MBP: variants seen among roughly 807,000 people sequenced by gnomAD.
MBP encodes myelin basic protein.
Under a neutral mutation model 35.8 loss-of-function variants are expected in MBP, and 16 were observed. The ratio of observed to expected loss-of-function variants is 0.45; its 90% CI spans 0.30 to 0.68. The LOEUF is 0.68. Among genes scored for constraint, MBP ranks in the 30% least tolerant of loss-of-function variants. The pLI is 0.08. For missense variants in MBP, 380 were observed against 404.7 expected (o/e 0.94, Z 0.52); for synonymous variants, 143 against 159.6 (o/e 0.90, Z 0.78).
intron 1 of MBP, among the ~76,000 whole-genome samples, chr18:77,117,248 A>G (rs1459589653): frequency 6.6e-6 from 1 of 152,242 alleles, no homozygotes; most frequent in Non-Finnish European, 1.5e-5. Context: ...GTTATTAAAA[A>G]TGGCATTTAA....
intron 3 of MBP, among the ~76,000 whole-genome samples, chr18:77,053,953 C>T (rs577035476): frequency 6.6e-6 from 1 of 152,382 alleles, no homozygotes; most frequent in South Asian, 2.1e-4. Context: ...GGTGACTGTA[C>T]TGCCCCACTC....
chr18:76,982,152 G>T (rs142847873), intron 8 of MBP: 1 of 152,360 alleles, frequency 6.6e-6, no homozygotes, highest in African/African-American at 2.4e-5. Context: ...CCTGGAGTAG[G>T]TGTTCCTATC....
At position 76,980,264 on chromosome 18, in the gene MBP, T is replaced by A; in HGVS notation, c.*163A>T. The A allele has an allele frequency of 1.3e-6, 1 of 742,602 alleles. No individual in the cohort carries two copies. The highest frequency in any genetic ancestry group is 1.9e-5 in the Admixed American group (1 of 52,140). The allele number at this position is 742,602 out of a possible 1,614,324, so 46.0% of individuals were successfully genotyped here. Reference sequence around the variant, plus strand: ...TTCTCATTTAACTGTTGGCCGGAAATTGCCGGTAGGCTGCCGTGGCCTGAC... The same window carrying A: ...TTCTCATTTAACTGTTGGCCGGAAAATGCCGGTAGGCTGCCGTGGCCTGAC... On this transcript the variant is annotated 3_prime_UTR_variant, in exon 9 of 9. Transcript: ENST00000355994.
chr18:77,130,670 A>T (rs923053510), intron 1 of MBP, among the ~76,000 whole-genome samples: 2 of 151,276 alleles, frequency 1.3e-5, no homozygotes, highest in African/African-American at 4.9e-5. Context: ...ACATCACAAG[A>T]AAGTTTGGTC....
At chr18:77,049,350 T>A (rs1174889320) in intron 3 of MBP, among the ~76,000 whole-genome samples, 1 of 152,256 alleles carries the variant, frequency 6.6e-6, no homozygotes, top group Non-Finnish European at 1.5e-5. Context: ...CCTTGATGCA[T>A]GATGAAGATG....
chr18:77,038,547 G>A (rs1265972573), intron 3 of MBP, among the ~76,000 whole-genome samples: 1 of 152,208 alleles, frequency 6.6e-6, no homozygotes, highest in Non-Finnish European at 1.5e-5. Context: ...TCCTGGGAAT[G>A]ACAGGAGCCC....
intron 1 of MBP, among the ~76,000 whole-genome samples, chr18:77,111,888 T>C (rs990484255): frequency 6.6e-6 from 1 of 152,154 alleles, no homozygotes; most frequent in Non-Finnish European, 1.5e-5. Context: ...AAGCAACTCA[T>C]ATATAAAATA....
At chr18:77,015,862 C>T (rs539232882) in intron 4 of MBP, 36 of 985,426 alleles carry the variant, frequency 3.7e-5, no homozygotes, top group South Asian at 4.7e-5. Flanking sequence ...AAGCCTTTTA[C>T]GCTCCCACAA....
intron 3 of MBP, among the ~76,000 whole-genome samples, chr18:77,046,481 G>T (rs1347210184): frequency 6.6e-6 from 1 of 152,244 alleles, no homozygotes; most frequent in East Asian, 1.9e-4. Flanking sequence ...TGTTGGGCCT[G>T]GTTCCTCAAG....
intron 1 of MBP, among the ~76,000 whole-genome samples, chr18:77,124,054 C>A (rs755242612): frequency 2.0e-5 from 3 of 152,158 alleles, no homozygotes; most frequent in Non-Finnish European, 2.9e-5. Flanking sequence ...GGCACACCTT[C>A]CTACCTGGAA....
rs1457538281 is a variant in MBP, at chr18:76,988,196, C to T, written c.750+299G>A. 6.5e-7 allele frequency: 1 copy of T among 1,546,472 alleles called. No individual in the cohort carries two copies. The highest frequency in any genetic ancestry group is 8.7e-7 in the Non-Finnish European group (1 of 1,146,930). On this transcript the variant is annotated intron_variant, in intron 7 of 8. Transcript: ENST00000355994. The surrounding 1 kb of genome is among the most constrained non-coding windows in gnomAD (Gnocchi z 5.2). ...ACATTTTCTCGGACGTGGTGTTGCTCCCTCCCTGGGAGGGAGACCAGTCAC... is the reference window on the plus strand; with the variant it reads ...ACATTTTCTCGGACGTGGTGTTGCTTCCTCCCTGGGAGGGAGACCAGTCAC...
chr18:77,068,794 G>T (rs1974312223), intron 2 of MBP, among the ~76,000 whole-genome samples: 1 of 152,216 alleles, frequency 6.6e-6, no homozygotes, highest in Non-Finnish European at 1.5e-5. Context: ...AAACAAAAAT[G>T]AGATTTCTTT....
intron 2 of MBP, among the ~76,000 whole-genome samples, chr18:77,086,630 A>G (rs1214729033): frequency 6.6e-6 from 1 of 152,236 alleles, no homozygotes; most frequent in African/African-American, 2.4e-5. Context: ...TCATGAAACA[A>G]TACTTCTATT....
chr18:77,072,429 T>C (rs1483125906), intron 2 of MBP, among the ~76,000 whole-genome samples: 4 of 152,216 alleles, frequency 2.6e-5, no homozygotes, highest in African/African-American at 9.7e-5. Flanking sequence ...ATTATTCGCA[T>C]GACAGCCAAG....
intron 2 of MBP, among the ~76,000 whole-genome samples, chr18:77,086,141 A>G (rs1975224462): frequency 6.6e-6 from 1 of 152,226 alleles, no homozygotes; most frequent in Non-Finnish European, 1.5e-5. Flanking sequence ...CCTTTCTTCA[A>G]AGCTGAGTTC....
intron 4 of MBP, among the ~76,000 whole-genome samples, chr18:76,998,242 G>A (rs1268438425): frequency 1.3e-5 from 2 of 152,218 alleles, no homozygotes; most frequent in Non-Finnish European, 1.5e-5. Flanking sequence ...GGCCTCCTGT[G>A]CATGGAGCCT....
At chr18:77,057,234 C>T (rs920146329) in intron 3 of MBP, among the ~76,000 whole-genome samples, 1 of 152,196 alleles carries the variant, frequency 6.6e-6, no homozygotes, top group Non-Finnish European at 1.5e-5. Flanking sequence ...GAACCAGCTG[C>T]GGTCTCCCTG....
intron 4 of MBP, among the ~76,000 whole-genome samples, chr18:77,002,372 C>A (rs1034338184): frequency 6.6e-6 from 1 of 152,212 alleles, no homozygotes; most frequent in Non-Finnish European, 1.5e-5. Context: ...AGAAAAATGT[C>A]TCTTTGTTAA....
intron 1 of MBP, among the ~76,000 whole-genome samples, chr18:77,124,446 C>T (rs577623810): frequency 5.5e-4 from 83 of 150,534 alleles, no homozygotes; most frequent in Non-Finnish European, 8.9e-4. Flanking sequence ...TCCCACCCCC[C>T]ACCCCGTGCT....
Sources: allele counts gnomAD v4.1 joint callset (sites outside exome capture counted in the v4.1 genomes callset), GRCh38; gene constraint gnomAD v4.1.1; non-coding constraint Gnocchi (gnomAD v3.1); transcripts MANE v1.5; gene names NCBI Gene and HGNC (gene_info 2026-07-23, HGNC 2026-07-21).